SPO11: variants seen among roughly 807,000 people sequenced by gnomAD.
The protein encoded by SPO11 is meiotic recombination protein SPO11.
A neutral mutation model predicts 51.6 loss-of-function variants in SPO11; 49 were observed. The observed-to-expected ratio is 0.95, with a 90% confidence interval of 0.75 to 1.20. SPO11 has a LOEUF of 1.20. Ranked by LOEUF, SPO11 falls within the 50% of genes most tolerant of loss-of-function variation. SPO11 has a pLI of 0.00. For missense variants in SPO11, 431 were observed against 473.4 expected (o/e 0.91, Z 0.83); for synonymous variants, 176 against 158.2 (o/e 1.11, Z -0.84).
At chr20:57,333,035 A>G (rs2066467873) in intron 2 of SPO11, among the ~76,000 whole-genome samples, 153 bp from the exon 3 acceptor site, 1 of 152,188 alleles carries the variant, frequency 6.6e-6, no homozygotes. Context: ...GGAATGATCT[A>G]TGCTCTCAAA....
At chr20:57,338,508 A>C (rs1391509605) in intron 9 of SPO11, 133 bp downstream of exon 9, 1 of 640,746 alleles carries the variant, frequency 1.6e-6, no homozygotes, top group African/African-American at 1.9e-5. Context: ...CAATGGCGCG[A>C]TCTTGGCTCA....
intron 8 of SPO11, among the ~76,000 whole-genome samples, chr20:57,337,046 T>C (rs1018845015): frequency 6.6e-6 from 1 of 152,302 alleles, no homozygotes; most frequent in Admixed American, 6.5e-5. Context: ...ATATTTATGC[T>C]GATTTTATAG....
chr20:57,340,478 T>C (rs1053441438), intron 11 of SPO11, among the ~76,000 whole-genome samples: 9 of 152,220 alleles, frequency 5.9e-5, no homozygotes, highest in African/African-American at 2.2e-4. Flanking sequence ...CAATACATTG[T>C]AGGCCGGGCA....
At chr20:57,334,683 G>C in intron 5 of SPO11, 67 bp from the exon 6 acceptor site, 1 of 1,264,624 alleles carries the variant, frequency 7.9e-7, no homozygotes, top group Non-Finnish European at 1.1e-6. Context: ...ATGAACACAA[G>C]GAGTGACTTA....
intron 1 of SPO11, among the ~76,000 whole-genome samples, 161 bp downstream of exon 1, chr20:57,330,159 CTTTGAACCCTTAT>C (rs1281660897): frequency 6.6e-6 from 1 of 152,186 alleles, no homozygotes; most frequent in Non-Finnish European, 1.5e-5. Flanking sequence ...CCGTGACCTG[CTTTGAACCCTTAT>C]TTTGAACTCA....
At chr20:57,337,659 C>A in intron 8 of SPO11, 2 of 909,698 alleles carry the variant, frequency 2.2e-6, no homozygotes, top group Non-Finnish European at 3.1e-6. Context: ...TGAAATATTT[C>A]CTTAGGACCA....
At position 57,343,370 on chromosome 20, in the gene SPO11, G is replaced by A. The variant is rs752098155; in HGVS notation, c.1101G>A (p.Lys367=). The change falls in exon 13 of 13, where the codon AAG becomes AAA. Residue 367 remains lysine (K), a synonymous_variant. Transcript: ENST00000371263. ...EMEIMADSKM[K]AEIQALTFLS... The stretch of plus-strand genomic sequence containing the variant: ...AAATAATGGCAGACTCTAAAATGAA[G>A]GCAGAAATTCAAGCTTTGACTTTCC... The A allele has an allele frequency of 1.9e-6, 3 of 1,610,702 alleles. No homozygotes were observed. Among genetic ancestry groups the A allele is most frequent in the Admixed American group, 1.7e-5 (1 of 59,214 alleles).
At chr20:57,332,084 A>G (rs960415593) in intron 2 of SPO11, 138 bp downstream of exon 2, 1 of 506,268 alleles carries the variant, frequency 2.0e-6, no homozygotes, top group African/African-American at 2.0e-5. Context: ...AAGTTTACGA[A>G]ATACATACCA....
Position 57,334,794 on chromosome 20 carries a change from C to T in SPO11, c.555C>T (p.Ile185=), listed in dbSNP as rs765806190. ...KGLIAGNLRY[I]EEDGTKVNCT... ...TAATTGCTGGCAACTTAAGATACATCGAGGAAGATGGCACCAAAGTGAATT... is the reference window on the plus strand; with the variant it reads ...TAATTGCTGGCAACTTAAGATACATTGAGGAAGATGGCACCAAAGTGAATT... Residue 185 remains isoleucine, a synonymous_variant, in exon 6 of 13, where the codon ATC becomes ATT. Transcript: ENST00000371263. The T allele has an allele frequency of 1.7e-5, 28 of 1,613,802 alleles. No homozygotes were observed. Among genetic ancestry groups the T allele is most frequent in the East Asian group, 4.5e-5 (2 of 44,834 alleles).
intron 8 of SPO11, 100 bp from the exon 9 acceptor site, chr20:57,338,176 C>A: frequency 1.1e-6 from 1 of 891,382 alleles, no homozygotes; most frequent in South Asian, 1.5e-5. Context: ...CAGGCGTGAA[C>A]CACTGCGTCC....
chr20:57,336,267 C>T (rs1442843330), intron 8 of SPO11, among the ~76,000 whole-genome samples: 1 of 152,188 alleles, frequency 6.6e-6, no homozygotes, highest in Non-Finnish European at 1.5e-5. Flanking sequence ...TCAGTGCAGA[C>T]ACTGCAATGA....
intron 5 of SPO11, 32 bp from the exon 6 acceptor site, chr20:57,334,718 C>T (rs1412324258): frequency 6.5e-7 from 1 of 1,536,766 alleles, no homozygotes; most frequent in Non-Finnish European, 9.0e-7. Flanking sequence ...ATTCGTGAAG[C>T]AGGTTTCAAA....
intron 6 of SPO11, 70 bp from the exon 7 acceptor site, chr20:57,335,349 G>T: frequency 7.8e-7 from 1 of 1,284,300 alleles, no homozygotes; most frequent in Non-Finnish European, 1.1e-6. Flanking sequence ...TAAAAACAGA[G>T]GGCTTTGTGA....
chr20:57,338,819 A>T (rs544744645), intron 9 of SPO11, among the ~76,000 whole-genome samples, 170 bp from the exon 10 acceptor site: 6 of 152,192 alleles, frequency 3.9e-5, no homozygotes, highest in Admixed American at 2.0e-4. Context: ...AATTTGGTCT[A>T]TAATTATTTG....
intron 3 of SPO11, 136 bp downstream of exon 3, chr20:57,333,412 AT>A: frequency 3.0e-6 from 2 of 674,492 alleles, no homozygotes; most frequent in Non-Finnish European, 5.0e-6. Context: ...AATTTCTATA[AT>A]TTTTCATTGT....
intron 1 of SPO11, among the ~76,000 whole-genome samples, chr20:57,331,210 G>A (rs895978476): frequency 1.3e-5 from 2 of 152,304 alleles, no homozygotes; most frequent in Non-Finnish European, 2.9e-5. Flanking sequence ...GTAGAGTGGC[G>A]TAATAGCTGC....
rs764206819 is a variant in SPO11 at position 57,339,041 on chromosome 20, G to C, written c.882+15G>C. ...ATGGATCTATGGTAAGTATAGAAAA[G>C]CAGTTTTCCTTTTTTATTATTTAGA... On this transcript the variant is annotated intron_variant, in intron 10 of 12. Transcript: ENST00000371263. 1.4e-6 allele frequency: 2 copies of C among 1,436,624 alleles called. No homozygotes were observed. Among genetic ancestry groups the C allele is most frequent in the South Asian group, 2.6e-5 (2 of 77,640 alleles). 89.0% of individuals were successfully genotyped at this position (1,436,624 alleles called of 1,614,324 possible).
Position 57,329,883 on chromosome 20 carries a change from A to C in SPO11, c.16A>C (p.Met6Leu), listed in dbSNP as rs1412038117. 6.2e-7 allele frequency: 1 copy of C among 1,613,692 alleles called. No homozygotes were observed. Residue 6 changes from methionine to leucine, a missense_variant, in exon 1 of 13, where the codon ATG (methionine) becomes CTG (leucine). Physicochemically the swap from Met to Leu is conservative, Grantham distance 15 (BLOSUM62 2). Coordinates refer to ENST00000371263, the MANE Select transcript of SPO11 (RefSeq NM_012444.3). MAFAP[M>L]GPEASFFDVL... ...GTCTGCCCTCATGGCCTTTGCACCT[A>C]TGGGGCCCGAGGCCTCGTTCTTCGA...
intron 11 of SPO11, 94 bp downstream of exon 11, chr20:57,340,272 T>G: frequency 1.4e-6 from 1 of 720,132 alleles, no homozygotes. Context: ...GGAAAGCTCT[T>G]AATGTTTTTT....
Sources: gnomAD v4.1 joint callset for allele counts (sites outside exome capture counted in the v4.1 genomes callset) on GRCh38, gnomAD v4.1.1 for gene constraint, MANE v1.5 for transcripts, NCBI Gene and HGNC (gene_info 2026-07-23, HGNC 2026-07-21) for gene names.